The following IQSEC1 variants were observed in gnomAD, a reference collection of about 807,000 sequenced individuals.
IQSEC1 encodes the protein IQ motif and SEC7 domain-containing protein 1.
Under a neutral mutation model 91.0 loss-of-function variants are expected in IQSEC1, and 31 were observed. The observed-to-expected ratio is 0.34, with a 90% CI of 0.26 to 0.46. The LOEUF is 0.46. Ranked by LOEUF, IQSEC1 falls within the 20% of genes least tolerant of loss-of-function variation. The pLI is 1.00. For missense variants in IQSEC1, 1,388 were observed against 1,575.6 expected (o/e 0.88, Z 2.02); for synonymous variants, 699 against 662.6 (o/e 1.05, Z -0.84).
chr3:13,101,233 G>A (rs887324764), intron 2 of IQSEC1, among the ~76,000 whole-genome samples: 2 of 152,144 alleles, frequency 1.3e-5, no homozygotes, highest in East Asian at 1.9e-4. Flanking sequence ...TGTAATCCCA[G>A]CACTTTGGGA....
At chr3:12,929,442 G>A (rs577791272) in intron 3 of IQSEC1, among the ~76,000 whole-genome samples, 10 of 152,346 alleles carry the variant, frequency 6.6e-5, no homozygotes, top group South Asian at 2.1e-4. Flanking sequence ...CCAGGAAGAA[G>A]GTCCCTGGTG....
At chr3:13,076,026 C>T (rs530034964), upstream of IQSEC1, among the ~76,000 whole-genome samples, 4 of 152,180 alleles carry the variant, frequency 2.6e-5, no homozygotes, top group African/African-American at 9.7e-5. Flanking sequence ...AGCCTGTGGT[C>T]GTGAGAGGGT....
chr3:12,913,793 T>G (rs2288962), intron 8 of IQSEC1, among the ~76,000 whole-genome samples: 17,974 of 152,256 alleles, frequency 0.12, 1,189 homozygotes, highest in South Asian at 0.22. Context: ...CCTGAAGGAC[T>G]AGGGACGTGC....
At chr3:13,240,096 C>T (rs1559284180) in intron 1 of IQSEC1, among the ~76,000 whole-genome samples, 2 of 152,004 alleles carry the variant, frequency 1.3e-5, no homozygotes, top group Admixed American at 6.5e-5. Flanking sequence ...AAACCTTGGC[C>T]GGCCGGGTGT....
At position 12,967,805 on chromosome 3, in the gene IQSEC1, G is replaced by C. The variant is rs1477417088; in HGVS notation, c.24-25940C>G. On this transcript the variant is annotated intron_variant, in intron 1 of 13. Coordinates refer to ENST00000613206, the MANE Select transcript of IQSEC1 (RefSeq NM_001134382.3). The surrounding 1 kb of genome is among the most constrained non-coding windows in gnomAD (Gnocchi z 5.9). ...CGGAGGGCGAGCTGGGGGCGGGGCT[G>C]CGCGCGGGGGCGAGACTGCACGGAG... The C allele has an allele frequency of 3.9e-6, 2 of 511,396 alleles. No individual in the cohort carries two copies. Among genetic ancestry groups the C allele is most frequent in the East Asian group, 2.7e-4 (2 of 7,310 alleles). The allele number at this position is 511,396 out of a possible 1,614,324, so 31.7% of individuals were successfully genotyped here.
At chr3:13,126,620 T>C (rs1706517004) in intron 2 of IQSEC1, among the ~76,000 whole-genome samples, 1 of 152,268 alleles carries the variant, frequency 6.6e-6, no homozygotes, top group African/African-American at 2.4e-5. Flanking sequence ...AAGGTGTTTA[T>C]ACCATTTCAC....
At chr3:13,192,299 C>T (rs1226722030) in intron 1 of IQSEC1, among the ~76,000 whole-genome samples, 33 of 149,954 alleles carry the variant, frequency 2.2e-4, no homozygotes, top group African/African-American at 8.1e-4. Flanking sequence ...GATCGCACCA[C>T]TGCACTCCAG....
chr3:13,234,490 C>T (rs1694891159), intron 1 of IQSEC1, among the ~76,000 whole-genome samples: 1 of 152,176 alleles, frequency 6.6e-6, no homozygotes, highest in South Asian at 2.1e-4. Context: ...TGGGAGACCC[C>T]CTCCCTTCCC....
intron 13 of IQSEC1, 126 bp downstream of exon 13, chr3:12,902,647 A>G (rs1469423974): frequency 4.8e-6 from 3 of 623,616 alleles, no homozygotes; most frequent in Non-Finnish European, 8.4e-6. Flanking sequence ...AAAAGCCAAA[A>G]AAAAAAACAA....
chr3:12,904,478 A>G (rs1003687578), intron 12 of IQSEC1, among the ~76,000 whole-genome samples: 1 of 152,108 alleles, frequency 6.6e-6, no homozygotes, highest in Middle Eastern at 3.4e-3. Context: ...ACATTTCCTT[A>G]TTTTTCAGCC....
intron 1 of IQSEC1, among the ~76,000 whole-genome samples, chr3:13,205,018 G>C (rs1255125108): frequency 1.3e-5 from 2 of 151,760 alleles, no homozygotes; most frequent in South Asian, 2.1e-4. Flanking sequence ...GGCTGGTCTC[G>C]AACTCCCGAC....
At chr3:12,964,494 G>A (rs1700439983) in intron 1 of IQSEC1, among the ~76,000 whole-genome samples, 1 of 152,226 alleles carries the variant, frequency 6.6e-6, no homozygotes. Context: ...ATTGGTGCCT[G>A]GGAAGAGCAG....
intron 2 of IQSEC1, among the ~76,000 whole-genome samples, chr3:12,939,569 T>C (rs781031013): frequency 3.3e-5 from 5 of 152,204 alleles, no homozygotes; most frequent in Non-Finnish European, 5.9e-5. Context: ...TCTGTCCCAT[T>C]CCCACTTTTG....
intron 1 of IQSEC1, among the ~76,000 whole-genome samples, chr3:13,055,469 T>C (rs1704842823): frequency 6.6e-6 from 1 of 152,176 alleles, no homozygotes; most frequent in Admixed American, 6.5e-5. Context: ...CACTAATTCA[T>C]TTCACGCTCA....
chr3:13,269,251 G>C (rs1372596857), intron 1 of IQSEC1, among the ~76,000 whole-genome samples: 1 of 152,240 alleles, frequency 6.6e-6, no homozygotes, highest in Non-Finnish European at 1.5e-5. Context: ...CAGGAGCGAG[G>C]CTGCTTGGGT....
chr3:12,975,094 G>A (rs1398392444), intron 1 of IQSEC1, among the ~76,000 whole-genome samples: 1 of 152,242 alleles, frequency 6.6e-6, no homozygotes, highest in Non-Finnish European at 1.5e-5. Context: ...GGCGCAGTGT[G>A]AGGCTTGGCA....
intron 2 of IQSEC1, among the ~76,000 whole-genome samples, chr3:13,122,488 G>A (rs1310131963): frequency 6.6e-6 from 1 of 152,114 alleles, no homozygotes; most frequent in Non-Finnish European, 1.5e-5. Context: ...GAGGAAGTGA[G>A]GGGTATGGGA....
intron 1 of IQSEC1, among the ~76,000 whole-genome samples, chr3:13,055,645 T>C (rs1298158987): frequency 6.6e-6 from 1 of 152,148 alleles, no homozygotes; most frequent in Non-Finnish European, 1.5e-5. Context: ...TAACCTCAAG[T>C]GATCCAGAAA....
At chr3:13,102,909 G>T (rs1186167) in intron 2 of IQSEC1, among the ~76,000 whole-genome samples, 1 of 152,172 alleles carries the variant, frequency 6.6e-6, no homozygotes, top group Non-Finnish European at 1.5e-5. Flanking sequence ...ACCCTGGGAG[G>T]TCGGAAGTTT....
Sources: allele counts gnomAD v4.1 joint callset (sites outside exome capture counted in the v4.1 genomes callset), GRCh38; gene constraint gnomAD v4.1.1; non-coding constraint Gnocchi (gnomAD v3.1); transcripts MANE v1.5; gene names NCBI Gene and HGNC (gene_info 2026-07-23, HGNC 2026-07-21).